The following SGCZ variants were observed in gnomAD, a reference collection of about 807,000 sequenced individuals.
The protein encoded by SGCZ is sarcoglycan zeta, also known as zeta-sarcoglycan.
In SGCZ, 40 loss-of-function variants were observed where a neutral mutation model predicts 41.3. The observed-to-expected ratio is 0.97, with a 90% CI of 0.75 to 1.26. SGCZ has a LOEUF of 1.26. SGCZ is among the 50% of genes most tolerant of loss of function. The pLI is 0.00. For synonymous variants in SGCZ, 206 were observed against 137.5 expected (o/e 1.50, Z -3.49); for missense variants, 552 against 369.8 (o/e 1.49, Z -4.04).
intron 2 of SGCZ, among the ~76,000 whole-genome samples, chr8:14,431,199 C>T (rs1799933241): frequency 6.6e-6 from 1 of 151,984 alleles, no homozygotes; most frequent in African/African-American, 2.4e-5. Context: ...TCCTAAAATT[C>T]ATATGGAATC....
chr8:14,422,128 A>G (rs1340418779), intron 2 of SGCZ, among the ~76,000 whole-genome samples: 1 of 152,202 alleles, frequency 6.6e-6, no homozygotes, highest in Non-Finnish European at 1.5e-5. Context: ...AAAATTTTAG[A>G]AACGAGAAAA....
intron 1 of SGCZ, among the ~76,000 whole-genome samples, chr8:14,842,496 AAAGGAAGGAAAGGAAGGAAGG>A (rs1158858204): frequency 7.0e-6 from 1 of 142,566 alleles, no homozygotes; most frequent in African/African-American, 2.7e-5. Flanking sequence ...AGGAAGGAAG[AAAGGAAGGAAAGGAAGGAAGG>A]AAGGAAAGAA....
intron 1 of SGCZ, among the ~76,000 whole-genome samples, chr8:14,608,632 T>C (rs532636108): frequency 4.5e-4 from 40 of 88,406 alleles, no homozygotes; most frequent in Non-Finnish European, 6.2e-4. Context: ...TCTTTCTCAA[T>C]GGTCATCGAC....
intron 1 of SGCZ, among the ~76,000 whole-genome samples, chr8:14,862,570 AT>A: frequency 7.1e-6 from 1 of 141,386 alleles, no homozygotes; most frequent in East Asian, 2.1e-4. Flanking sequence ...ATATATATAT[AT>A]ATATATATAT....
At chr8:14,105,303 C>G (rs1178177842) in intron 6 of SGCZ, among the ~76,000 whole-genome samples, 4 of 152,076 alleles carry the variant, frequency 2.6e-5, no homozygotes, top group Non-Finnish European at 5.9e-5. Context: ...CACTACATTT[C>G]TTCACCAAAA....
At chr8:14,527,534 A>T (rs1308527074) in intron 2 of SGCZ, among the ~76,000 whole-genome samples, 2 of 150,132 alleles carry the variant, frequency 1.3e-5, no homozygotes, top group African/African-American at 5.0e-5. Flanking sequence ...AGCATTTAAA[A>T]TATTCACCTT....
At chr8:14,567,627 G>C (rs550706573) in intron 1 of SGCZ, among the ~76,000 whole-genome samples, 6 of 152,238 alleles carry the variant, frequency 3.9e-5, no homozygotes, top group African/African-American at 1.4e-4. Context: ...AACCAGCTGG[G>C]GTCCCCTTCC....
intron 1 of SGCZ, among the ~76,000 whole-genome samples, chr8:15,132,906 C>A (rs1334963126): frequency 6.6e-6 from 1 of 152,060 alleles, no homozygotes; most frequent in Non-Finnish European, 1.5e-5. Flanking sequence ...TTTGGAAATC[C>A]AAGGTGGGTG....
chr8:14,875,715 G>A (rs572014347), intron 1 of SGCZ, among the ~76,000 whole-genome samples: 19 of 152,212 alleles, frequency 1.2e-4, no homozygotes, highest in African/African-American at 3.1e-4. Flanking sequence ...TAAAGTGAAT[G>A]AGCTGTGATA....
intron 1 of SGCZ, among the ~76,000 whole-genome samples, chr8:15,051,746 A>G (rs1585513265): frequency 6.6e-6 from 1 of 152,118 alleles, no homozygotes; most frequent in Non-Finnish European, 1.5e-5. Flanking sequence ...CTTTATTGAA[A>G]TTCATGTTTA....
intron 1 of SGCZ, among the ~76,000 whole-genome samples, chr8:14,673,509 T>C (rs1808176706): frequency 6.6e-6 from 1 of 152,022 alleles, no homozygotes; most frequent in African/African-American, 2.4e-5. Context: ...GGTGCCTGCT[T>C]CCCCTTTGCC....
chr8:14,208,290 G>A (rs948071178), intron 4 of SGCZ, among the ~76,000 whole-genome samples: 6 of 152,162 alleles, frequency 3.9e-5, no homozygotes, highest in African/African-American at 1.4e-4. Context: ...ATCTGAAACT[G>A]TGTTTATCAG....
chr8:15,110,399 T>G (rs1241261579), intron 1 of SGCZ, among the ~76,000 whole-genome samples: 1 of 152,234 alleles, frequency 6.6e-6, no homozygotes, highest in African/African-American at 2.4e-5. Flanking sequence ...TCCTATAAGA[T>G]CCATGGATAG....
rs186469634 is a variant in SGCZ, at chr8:14,580,860, T to C, written c.40-25934A>G. Among the ~76,000 whole-genome samples the C allele has an allele frequency of 3.1e-4, 47 of 152,312 alleles. No homozygotes were observed. The East Asian group carries it at 8.5e-3, about 28-fold the overall frequency. On this transcript the variant is annotated intron_variant, in intron 1 of 7. Coordinates refer to ENST00000382080, the MANE Select transcript of SGCZ (RefSeq NM_139167.4). Reference sequence around the variant, plus strand: ...GGAGCCTTCTCCCAGGCTCCAGCGATAGAAACATCATGGTTGATTAGGGCT... The same window carrying C: ...GGAGCCTTCTCCCAGGCTCCAGCGACAGAAACATCATGGTTGATTAGGGCT...
At position 14,486,848 on chromosome 8, in the gene SGCZ, T is replaced by A. The variant is rs536751368; in HGVS notation, c.234+67884A>T. 1.8e-3 allele frequency among the ~76,000 whole-genome samples: 268 copies of A among 152,356 alleles called. 1 individual carries two copies. Among genetic ancestry groups the A allele is most frequent in the Middle Eastern group, 3.4e-3 (1 of 294 alleles). ...TGAATGATTACGTTTTAAAGTTAATTATTAAGGTGCAAATCATGTAAAGCC... is the reference window on the plus strand; with the variant it reads ...TGAATGATTACGTTTTAAAGTTAATAATTAAGGTGCAAATCATGTAAAGCC... On this transcript the variant is annotated intron_variant, in intron 2 of 7. Transcript: ENST00000382080.
intron 2 of SGCZ, among the ~76,000 whole-genome samples, chr8:14,551,569 A>AT (rs1491335327): frequency 0.018 from 332 of 18,218 alleles, 12 homozygotes; most frequent in South Asian, 0.041. Context: ...TTATATATAT[A>AT]ATATATATAT....
At chr8:14,514,180 A>G (rs918378287) in intron 2 of SGCZ, among the ~76,000 whole-genome samples, 1 of 152,102 alleles carries the variant, frequency 6.6e-6, no homozygotes, top group Non-Finnish European at 1.5e-5. Flanking sequence ...AGAAAACATT[A>G]TAATGATAAC....
intron 1 of SGCZ, among the ~76,000 whole-genome samples, chr8:14,559,242 T>A (rs570594732): frequency 1.3e-5 from 2 of 152,032 alleles, no homozygotes; most frequent in East Asian, 3.9e-4. Flanking sequence ...TAAAGACCCC[T>A]CCAAAAAGCT....
chr8:14,597,696 C>T (rs1263441510), intron 1 of SGCZ, among the ~76,000 whole-genome samples: 2 of 152,048 alleles, frequency 1.3e-5, no homozygotes, highest in Non-Finnish European at 2.9e-5. Flanking sequence ...AGGCTGGTCT[C>T]GAACTCCTGA....
Sources: gnomAD v4.1 joint callset for allele counts (sites outside exome capture counted in the v4.1 genomes callset) on GRCh38, gnomAD v4.1.1 for gene constraint, MANE v1.5 for transcripts, NCBI Gene and HGNC (gene_info 2026-07-23, HGNC 2026-07-21) for gene names.